Variants in TMEM267 observed in about 807,000 individuals in gnomAD.
TMEM267 encodes transmembrane protein C5orf28.
In TMEM267, 20 loss-of-function variants were observed where a neutral mutation model predicts 19.3. The ratio of observed to expected loss-of-function variants is 1.04; its 90% CI spans 0.73 to 1.51. TMEM267 has a LOEUF of 1.51. Ranked by LOEUF, TMEM267 falls within the 40% of genes most tolerant of loss-of-function variation. TMEM267 has a pLI of 0.00. For missense variants in TMEM267, 242 were observed against 261.9 expected, an observed-to-expected ratio of 0.92 and a Z score of 0.52; for synonymous variants, 88 against 90.3, an observed-to-expected ratio of 0.97 and a Z score of 0.15.
At chr5:43,478,273 C>T (rs1218264378) in intron 1 of TMEM267, among the ~76,000 whole-genome samples, 2 of 152,134 alleles carry the variant, frequency 1.3e-5, no homozygotes, top group African/African-American at 2.4e-5. Context: ...GATTTTAAAA[C>T]GTCACACCCC....
intron 2 of TMEM267, among the ~76,000 whole-genome samples, chr5:43,448,854 T>A (rs1286238834): frequency 6.6e-6 from 1 of 150,668 alleles, no homozygotes; most frequent in Non-Finnish European, 1.5e-5. Context: ...AAAAAAAATT[T>A]TTTTTAAACT....
At chr5:43,481,184 A>T (rs1209599974) in intron 1 of TMEM267, among the ~76,000 whole-genome samples, 1 of 144,662 alleles carries the variant, frequency 6.9e-6, no homozygotes. Context: ...AGCTCACTGT[A>T]ACCTTGAACT....
chr5:43,481,106 C>CTTT (rs70994700), intron 1 of TMEM267, among the ~76,000 whole-genome samples: 1 of 124,450 alleles, frequency 8.0e-6, no homozygotes, highest in African/African-American at 3.2e-5. Flanking sequence ...GCCCGGCTTA[C>CTTT]TTTTTTTTTT....
At chr5:43,477,357 G>T (rs1451860079) in intron 1 of TMEM267, among the ~76,000 whole-genome samples, 1 of 152,102 alleles carries the variant, frequency 6.6e-6, no homozygotes, top group Non-Finnish European at 1.5e-5. Flanking sequence ...GGGAGGCCGA[G>T]GTGGGCGGAT....
intron 2 of TMEM267, among the ~76,000 whole-genome samples, chr5:43,450,085 C>T (rs1474422958): frequency 1.3e-5 from 2 of 151,370 alleles, no homozygotes; most frequent in African/African-American, 4.9e-5. Flanking sequence ...ACCTCAAACT[C>T]CTGGGCTCAA....
intron 1 of TMEM267, among the ~76,000 whole-genome samples, chr5:43,469,507 A>C (rs909686188): frequency 6.6e-6 from 1 of 152,254 alleles, no homozygotes; most frequent in Non-Finnish European, 1.5e-5. Context: ...GAAGGACACA[A>C]ACCATATGAT....
At chr5:43,454,087 T>G in intron 1 of TMEM267, 44 bp from the exon 2 acceptor site, 1 of 1,288,932 alleles carries the variant, frequency 7.8e-7, no homozygotes, top group Non-Finnish European at 1.0e-6. Flanking sequence ...GATTATGGAC[T>G]ACCATATAAT....
chr5:43,450,269 GGCA>G (rs1219184846), intron 2 of TMEM267, among the ~76,000 whole-genome samples: 13 of 152,104 alleles, frequency 8.5e-5, no homozygotes, highest in Non-Finnish European at 1.6e-4. Context: ...TGGGGTTACA[GGCA>G]TGAGCCACTG....
intron 1 of TMEM267, among the ~76,000 whole-genome samples, chr5:43,480,954 G>A (rs373026917): frequency 1.3e-5 from 2 of 150,596 alleles, no homozygotes. Context: ...ACAGGTGCCC[G>A]CCACCACGCT....
intron 2 of TMEM267, among the ~76,000 whole-genome samples, chr5:43,449,196 T>C (rs933572953): frequency 3.3e-5 from 5 of 151,854 alleles, no homozygotes; most frequent in East Asian, 1.9e-4. Context: ...CCCTTGAACA[T>C]AGGAGGCAGA....
chr5:43,454,082 T>C (rs1742786818), intron 1 of TMEM267, 39 bp from the exon 2 acceptor site: 2 of 1,341,848 alleles, frequency 1.5e-6, no homozygotes, highest in Non-Finnish European at 2.0e-6. Context: ...ATGAAGATTA[T>C]GGACTACCAT....
At chr5:43,472,066 T>C (rs1363342522) in intron 1 of TMEM267, among the ~76,000 whole-genome samples, 5 of 151,980 alleles carry the variant, frequency 3.3e-5, no homozygotes, top group African/African-American at 9.7e-5. Context: ...ATAACCAAAA[T>C]ACGTAAGTGC....
At chr5:43,456,484 G>T (rs948422904) in intron 1 of TMEM267, among the ~76,000 whole-genome samples, 2 of 151,774 alleles carry the variant, frequency 1.3e-5, no homozygotes, top group African/African-American at 4.8e-5. Flanking sequence ...TTAAGAGAAA[G>T]AAAAAACAAT....
intron 1 of TMEM267, among the ~76,000 whole-genome samples, chr5:43,480,323 C>CT (rs1484646374): frequency 6.6e-6 from 1 of 151,936 alleles, no homozygotes; most frequent in Non-Finnish European, 1.5e-5. Flanking sequence ...ATTTTCTTTT[C>CT]TTTTTTTAGA....
intron 1 of TMEM267, among the ~76,000 whole-genome samples, chr5:43,458,761 A>G (rs1387098956): frequency 6.6e-6 from 1 of 152,198 alleles, no homozygotes; most frequent in African/African-American, 2.4e-5. Flanking sequence ...AAAAGGAGAA[A>G]TATGAAAACA....
chr5:43,481,602 ATATAATGGG>A (rs745983355), intron 1 of TMEM267, among the ~76,000 whole-genome samples: 1 of 152,148 alleles, frequency 6.6e-6, no homozygotes, highest in African/African-American at 2.4e-5. Flanking sequence ...CATATATTAT[ATATAATGGG>A]TATAATGCGA....
intron 1 of TMEM267, among the ~76,000 whole-genome samples, chr5:43,473,585 C>T (rs2132003): frequency 0.49 from 73,873 of 151,894 alleles, 18,812 homozygotes; most frequent in Middle Eastern, 0.63. Context: ...AGCTACAAAC[C>T]ACTCACTGAT....
At chr5:43,481,106 CTTTTTTT>C (rs70994700) in intron 1 of TMEM267, among the ~76,000 whole-genome samples, 3,518 of 124,440 alleles carry the variant, frequency 0.028, 71 homozygotes, top group South Asian at 0.047. Context: ...GCCCGGCTTA[CTTTTTTT>C]TTTTTTTTTT....
In TMEM267 at chr5:43,464,041, T is replaced by C. The variant is rs998873791; in HGVS notation, c.-74-9998A>G. On this transcript the variant is annotated intron_variant, in intron 1 of 2. Coordinates refer to ENST00000397080, the MANE Select transcript of TMEM267 (RefSeq NM_022483.5). ...TTCCTGTTTGCAGATGACATGATTG[T>C]ATATCTAGAAAACCCCATTGTCTCA... 4.7e-4 allele frequency among the ~76,000 whole-genome samples: 72 copies of C among 152,328 alleles called. 2 individuals are homozygous for C. Among genetic ancestry groups the C allele is most frequent in the African/African-American group, 1.7e-3 (72 of 41,578 alleles).
Sources: allele counts gnomAD v4.1 joint callset (sites outside exome capture counted in the v4.1 genomes callset), GRCh38; gene constraint gnomAD v4.1.1; transcripts MANE v1.5; gene names NCBI Gene and HGNC (gene_info 2026-07-23, HGNC 2026-07-21).